The following LRRIQ1 variants were observed in gnomAD, a reference collection of about 807,000 sequenced individuals.
LRRIQ1 encodes leucine rich repeats and IQ motif containing 1.
In LRRIQ1, 210 loss-of-function variants were observed where a neutral mutation model predicts 211.9. The ratio of observed to expected loss-of-function variants is 0.99; its 90% CI spans 0.89 to 1.11. The LOEUF (loss-of-function observed/expected upper bound fraction) is 1.11. Ranked by LOEUF, LRRIQ1 falls within the 50% of genes most tolerant of loss-of-function variation. The probability of loss-of-function intolerance (pLI) is 0.00; values close to 1 mark genes in which losing one functional copy is unlikely to be tolerated. For missense variants in LRRIQ1, 2,136 were observed against 1,939.5 expected (o/e 1.10, Z -1.90); for synonymous variants, 699 against 650.1 (o/e 1.08, Z -1.14).
chr12:85,267,376 A>G (rs1255033042), downstream of LRRIQ1, among the ~76,000 whole-genome samples: 1 of 152,084 alleles, frequency 6.6e-6, no homozygotes, highest in East Asian at 1.9e-4. Flanking sequence ...TTTTAGCCAT[A>G]TTAGCCCCTA....
intron 18 of LRRIQ1, among the ~76,000 whole-genome samples, chr12:85,136,318 A>T (rs1296952146): frequency 6.6e-6 from 1 of 151,966 alleles, no homozygotes; most frequent in Non-Finnish European, 1.5e-5. Context: ...AAAACGTGGA[A>T]GGGAGTGGGA....
chr12:85,214,139 AT>A (rs1893967016), intron 24 of LRRIQ1, among the ~76,000 whole-genome samples: 1 of 152,060 alleles, frequency 6.6e-6, no homozygotes, highest in Non-Finnish European at 1.5e-5. Context: ...CAGTAATAAT[AT>A]TTTTTAATCA....
intron 26 of LRRIQ1, 75 bp downstream of exon 26, chr12:85,232,831 T>A: frequency 1.0e-6 from 1 of 981,136 alleles, no homozygotes; most frequent in Admixed American, 1.9e-5. Flanking sequence ...TTAAGATATG[T>A]TTATAATTAA....
chr12:85,185,528 TAA>T (rs1335934295), intron 24 of LRRIQ1, among the ~76,000 whole-genome samples: 2 of 151,940 alleles, frequency 1.3e-5, no homozygotes, highest in Admixed American at 6.6e-5. Flanking sequence ...TTTAAATATT[TAA>T]GTTACAGCAA....
In LRRIQ1 at chr12:85,045,451, C is replaced by G. The variant is rs569722001; in HGVS notation, c.337-569C>G. 6.3e-4 allele frequency among the ~76,000 whole-genome samples: 95 copies of G among 151,646 alleles called. 1 individual carries two copies. The highest frequency in any genetic ancestry group is 2.2e-3 in the African/African-American group (90 of 41,436). ...TCTCATTCTTTTTTAATGTTTTACT[C>G]TATTGAATTTTTTGTAATACTCAAA... is the stretch of plus-strand genomic sequence containing the variant. On this transcript the variant is annotated intron_variant, in intron 4 of 26. Transcript: ENST00000393217.
At chr12:85,194,515 A>G (rs2136967693) in intron 24 of LRRIQ1, among the ~76,000 whole-genome samples, 1 of 150,196 alleles carries the variant, frequency 6.7e-6, no homozygotes, top group East Asian at 1.9e-4. Flanking sequence ...CAGGATTAAG[A>G]ATCTCACTCA....
At position 85,216,474 on chromosome 12, in the gene LRRIQ1, T is replaced by C. The variant is rs188227788; in HGVS notation, c.4823-13043T>C. Among the ~76,000 whole-genome samples, 984 of 150,974 alleles carry C rather than the reference T, an allele frequency of 6.5e-3. 6 individuals are homozygous for C. Among genetic ancestry groups the C allele is most frequent in the Non-Finnish European group, 8.0e-3 (543 of 67,772 alleles). The stretch of plus-strand genomic sequence containing the variant: ...ATATTTTTATGAAATTTCATTTATA[T>C]AATTAATTTACATATAATTTAATAT... On this transcript the variant is annotated intron_variant, in intron 24 of 26. Coordinates refer to ENST00000393217, the MANE Select transcript of LRRIQ1 (RefSeq NM_001079910.2).
intron 8 of LRRIQ1, among the ~76,000 whole-genome samples, chr12:85,058,102 A>G (rs1881344746): frequency 6.6e-6 from 1 of 152,086 alleles, no homozygotes; most frequent in Non-Finnish European, 1.5e-5. Context: ...AAACACACAT[A>G]AATACGTTAT....
At chr12:85,149,664 C>T (rs535683612) in intron 19 of LRRIQ1, among the ~76,000 whole-genome samples, 1 of 151,766 alleles carries the variant, frequency 6.6e-6, no homozygotes, top group Non-Finnish European at 1.5e-5. Flanking sequence ...CCTCAGCATA[C>T]TAGGTAATGC....
chr12:85,120,615 G>C (rs960786262), intron 15 of LRRIQ1, among the ~76,000 whole-genome samples: 1 of 152,130 alleles, frequency 6.6e-6, no homozygotes, highest in African/African-American at 2.4e-5. Flanking sequence ...AGATCAATAA[G>C]GGAATAACTT....
chr12:85,243,803 G>T (rs2137270560), intron 26 of LRRIQ1, among the ~76,000 whole-genome samples: 1 of 151,610 alleles, frequency 6.6e-6, no homozygotes, highest in African/African-American at 2.4e-5. Context: ...AAGGTGAAGG[G>T]CAAATATCTG....
At chr12:85,097,427 G>T (rs1821175608) in intron 11 of LRRIQ1, among the ~76,000 whole-genome samples, 1 of 126,192 alleles carries the variant, frequency 7.9e-6, no homozygotes. Flanking sequence ...CCCTACCACA[G>T]GCCCCAGTGT....
At chr12:85,094,971 A>G (rs1021894329) in intron 11 of LRRIQ1, among the ~76,000 whole-genome samples, 1 of 152,160 alleles carries the variant, frequency 6.6e-6, no homozygotes. Context: ...TTGATTTTGT[A>G]TCCTGAAACT....
chr12:85,098,303 A>C, intron 11 of LRRIQ1, 52 bp from the exon 12 acceptor site: 4 of 1,206,096 alleles, frequency 3.3e-6, no homozygotes, highest in Non-Finnish European at 4.7e-6. Context: ...ACTTTCTTCT[A>C]GAGTCTGGAA....
intron 26 of LRRIQ1, among the ~76,000 whole-genome samples, chr12:85,239,970 C>A (rs1034441771): frequency 1.3e-5 from 2 of 151,766 alleles, no homozygotes; most frequent in African/African-American, 2.4e-5. Context: ...AGAGCAAGAC[C>A]CTGACTCCAA....
At chr12:85,255,757 A>G (rs1170774787) in intron 1 of LRRIQ1, among the ~76,000 whole-genome samples, 1 of 151,692 alleles carries the variant, frequency 6.6e-6, no homozygotes, top group East Asian at 1.9e-4. Context: ...TTGGCCAGGA[A>G]CTTTAAGACA....
At chr12:85,233,238 C>T (rs555733687) in intron 26 of LRRIQ1, among the ~76,000 whole-genome samples, 62 of 151,906 alleles carry the variant, frequency 4.1e-4, no homozygotes, top group Non-Finnish European at 6.0e-4. Flanking sequence ...AGAATAAAGA[C>T]GCTATGCAGT....
At chr12:85,218,879 A>G (rs1382313904) in intron 24 of LRRIQ1, among the ~76,000 whole-genome samples, 2 of 152,126 alleles carry the variant, frequency 1.3e-5, no homozygotes, top group Non-Finnish European at 2.9e-5. Context: ...ACAACTTGGC[A>G]TAACACTGTT....
intron 13 of LRRIQ1, among the ~76,000 whole-genome samples, chr12:85,102,953 A>ATATATATATATATAT (rs1555207709): frequency 3.6e-4 from 43 of 118,750 alleles, no homozygotes; most frequent in East Asian, 2.4e-3. Flanking sequence ...GCAAAAAAAA[A>ATATATATATATATAT]AAAAAAATAT....
Sources: gnomAD v4.1 joint callset for allele counts (sites outside exome capture counted in the v4.1 genomes callset) on GRCh38, gnomAD v4.1.1 for gene constraint, MANE v1.5 for transcripts, NCBI Gene and HGNC (gene_info 2026-07-23, HGNC 2026-07-21) for gene names.